CAPN9: variants seen among roughly 807,000 people sequenced by gnomAD.
CAPN9 encodes calpain 9, also known as calpain-9.
Under a neutral mutation model 92.8 loss-of-function variants are expected in CAPN9, and 81 were observed. The observed-to-expected ratio is 0.87, with a 90% confidence interval of 0.73 to 1.05. The LOEUF (loss-of-function observed/expected upper bound fraction) is 1.05. Ranked by LOEUF, CAPN9 falls within the 50% of genes least tolerant of loss-of-function variation. The pLI, the probability that CAPN9 is intolerant of heterozygous loss-of-function variation, is 0.00. For missense variants in CAPN9, 848 were observed against 866.2 expected, an observed-to-expected ratio of 0.98 and a Z score of 0.26; for synonymous variants, 304 against 328.0, an observed-to-expected ratio of 0.93 and a Z score of 0.79.
At chr1:230,748,645 T>C (rs1261657381) in intron 1 of CAPN9, among the ~76,000 whole-genome samples, 36 of 152,052 alleles carry the variant, frequency 2.4e-4, no homozygotes, top group Non-Finnish European at 1.5e-5. Flanking sequence ...ACACAGAAGG[T>C]TTCCAGTACA....
chr1:230,790,310 A>T (rs914778879), intron 14 of CAPN9, 121 bp downstream of exon 14: 29 of 1,391,360 alleles, frequency 2.1e-5, no homozygotes, highest in Non-Finnish European at 2.6e-5. Flanking sequence ...ATTTGTAGGT[A>T]GACTTTAAAA....
intron 1 of CAPN9, among the ~76,000 whole-genome samples, chr1:230,751,852 G>T (rs1664863766): frequency 6.7e-6 from 1 of 149,674 alleles, no homozygotes; most frequent in Non-Finnish European, 1.5e-5. Context: ...GTAGGGCTGT[G>T]GGGTGGGGGA....
intron 18 of CAPN9, among the ~76,000 whole-genome samples, chr1:230,795,850 G>GTGC (rs1365776461): frequency 9.9e-5 from 15 of 152,234 alleles, no homozygotes; most frequent in Middle Eastern, 3.4e-3. Flanking sequence ...CATGCCCTGT[G>GTGC]TGCAGGTGCC....
Position 230,747,712 on chromosome 1 carries a change from G to A in CAPN9, c.213+3G>A, listed in dbSNP as rs1378275258. 6.2e-7 allele frequency: 1 copy of A among 1,613,612 alleles called. No homozygotes were observed. On this transcript the variant is annotated splice_donor_region_variant and intron_variant, in intron 1 of 19. Coordinates refer to ENST00000271971, the MANE Select transcript of CAPN9 (RefSeq NM_006615.3). The stretch of plus-strand genomic sequence containing the variant: ...CCTTTGTGTGGAAACGACCAGGGGT[G>A]AGTGGGGCGAGCAGGGGAAGGAGCA...
chr1:230,758,251 T>C (rs1376703152), intron 2 of CAPN9, among the ~76,000 whole-genome samples: 1 of 152,214 alleles, frequency 6.6e-6, no homozygotes, highest in African/African-American at 2.4e-5. Flanking sequence ...GAGGTCACTC[T>C]ATTAGACTCC....
At chr1:230,800,999 GA>G (rs1558125020) in intron 19 of CAPN9, among the ~76,000 whole-genome samples, 1 of 152,098 alleles carries the variant, frequency 6.6e-6, no homozygotes, top group Admixed American at 6.5e-5. Flanking sequence ...AGAGAAGGGA[GA>G]AAAAAACCAT....
intron 1 of CAPN9, among the ~76,000 whole-genome samples, chr1:230,751,599 AAGAAAGAAAG>A (rs1175873015): frequency 0.022 from 323 of 14,994 alleles, 38 homozygotes; most frequent in Non-Finnish European, 0.033. Context: ...GAAAGAAAGA[AAGAAAGAAAG>A]AGAAAGAAAG....
chr1:230,796,735 A>G, intron 18 of CAPN9, among the ~76,000 whole-genome samples: 1 of 152,186 alleles, frequency 6.6e-6, no homozygotes. Flanking sequence ...TGACCCTAGA[A>G]ATAATGAGAT....
chr1:230,769,363 T>G, intron 6 of CAPN9, 100 bp downstream of exon 6: 1 of 825,780 alleles, frequency 1.2e-6, no homozygotes, highest in Non-Finnish European at 1.9e-6. Context: ...ATGTCTGCCT[T>G]TCAGGCATTT....
rs372235071 is a variant in CAPN9 at position 230,780,237 on chromosome 1, G to A, written c.1173G>A (p.Gln391=). 1.2e-6 allele frequency: 2 copies of A among 1,613,926 alleles called. No individual in the cohort carries two copies. The highest frequency in any genetic ancestry group is 2.2e-5 in the East Asian group (1 of 44,876). The change falls in exon 10 of 20, where the codon CAG becomes CAA. Residue 391 remains glutamine, a synonymous_variant. Coordinates refer to ENST00000271971, the MANE Select transcript of CAPN9 (RefSeq NM_006615.3). ...CTCTGACTGAGAAAGATGAGGGGCA[G>A]GAGGAGTGTAGTTTCCTTGTAGCCC... is the stretch of plus-strand genomic sequence containing the variant. ...KLSLTEKDEG[Q]EECSFLVALM... is the part of the protein sequence containing the mutation.
Position 230,801,738 on chromosome 1 carries a change from G to A in CAPN9, c.*142G>A, listed in dbSNP as rs1287368100. On this transcript the variant is annotated 3_prime_UTR_variant, in exon 20 of 20. Coordinates refer to ENST00000271971, the MANE Select transcript of CAPN9 (RefSeq NM_006615.3). ...CGGCCTTCTCCCTTCATCTTGATCT[G>A]GGAAGAATGAAATGAACTCAGCTAC... is the stretch of plus-strand genomic sequence containing the variant. The A allele has an allele frequency of 2.8e-5, 22 of 786,806 alleles. No individual in the cohort carries two copies. In the Admixed American group the frequency reaches 4.2e-4, roughly 15 times the overall value. The allele number at this position is 786,806 out of a possible 1,614,324, so 48.7% of individuals were successfully genotyped here.
chr1:230,792,421 C>T lies in CAPN9; in HGVS notation c.1723-5C>T. 6.2e-7 allele frequency: 1 copy of T among 1,613,518 alleles called. No homozygotes were observed. The highest frequency in any genetic ancestry group is 8.5e-7 in the Non-Finnish European group (1 of 1,179,436). ...CTCATGTCTCCCTTAACCCACATGG[C>T]ACAGACCAGCGGCAATGGGAAGCTG... is the stretch of plus-strand genomic sequence containing the variant. On this transcript the variant is annotated splice_region_variant and splice_polypyrimidine_tract_variant and intron_variant, in intron 15 of 19. Transcript: ENST00000271971.
intron 3 of CAPN9, among the ~76,000 whole-genome samples, chr1:230,761,373 GAAAGCC>G (rs897052210): frequency 6.6e-5 from 10 of 152,126 alleles, no homozygotes; most frequent in Non-Finnish European, 1.0e-4. Flanking sequence ...CCTCTGCAAG[GAAAGCC>G]AGCCCTGAGG....
intron 11 of CAPN9, among the ~76,000 whole-genome samples, chr1:230,781,983 C>G (rs978625290): frequency 3.3e-5 from 5 of 152,210 alleles, no homozygotes; most frequent in African/African-American, 1.2e-4. Flanking sequence ...GATACTAGTA[C>G]AAGATGGGGA....
chr1:230,756,065 GAA>G (rs971660583), intron 2 of CAPN9, among the ~76,000 whole-genome samples: 5 of 152,200 alleles, frequency 3.3e-5, no homozygotes, highest in African/African-American at 1.2e-4. Context: ...GAAAGACAGA[GAA>G]AGTGAGAGAG....
At chr1:230,771,554 G>A (rs1213970519) in intron 6 of CAPN9, among the ~76,000 whole-genome samples, 1 of 152,256 alleles carries the variant, frequency 6.6e-6, no homozygotes. Flanking sequence ...TCATTCATCT[G>A]TGCATGGGAT....
At chr1:230,749,948 GT>G (rs1664661542) in intron 1 of CAPN9, among the ~76,000 whole-genome samples, 1 of 152,066 alleles carries the variant, frequency 6.6e-6, no homozygotes, top group South Asian at 2.1e-4. Flanking sequence ...CTTACTTTTT[GT>G]CAAAGTTAGA....
intron 18 of CAPN9, among the ~76,000 whole-genome samples, chr1:230,797,536 C>T (rs1220841962): frequency 6.6e-6 from 1 of 152,146 alleles, no homozygotes; most frequent in Non-Finnish European, 1.5e-5. Flanking sequence ...CAGTGATGGT[C>T]CCCCACCCCG....
chr1:230,769,595 A>C (rs1244499598), intron 6 of CAPN9, among the ~76,000 whole-genome samples: 1 of 152,140 alleles, frequency 6.6e-6, no homozygotes, highest in African/African-American at 2.4e-5. Context: ...ATATATATAC[A>C]TACAATTAAA....
Sources: gnomAD v4.1 joint callset for allele counts (sites outside exome capture counted in the v4.1 genomes callset) on GRCh38, gnomAD v4.1.1 for gene constraint, MANE v1.5 for transcripts, NCBI Gene and HGNC (gene_info 2026-07-23, HGNC 2026-07-21) for gene names.